The following COL4A3 variants were observed in gnomAD, a reference collection of about 807,000 sequenced individuals.
The protein encoded by COL4A3 is collagen type IV alpha 3 chain.
A neutral mutation model predicts 217.4 loss-of-function variants in COL4A3; 135 were observed. The observed-to-expected ratio is 0.62, with a 90% CI of 0.54 to 0.72. The LOEUF is 0.72. Ranked by LOEUF, COL4A3 falls within the 30% of genes least tolerant of loss-of-function variation. The probability of loss-of-function intolerance (pLI) is 0.00; values close to 1 mark genes in which losing one functional copy is unlikely to be tolerated. For synonymous variants in COL4A3, 690 were observed against 736.3 expected (o/e 0.94, Z 1.02); for missense variants, 1,868 against 2,119.9 (o/e 0.88, Z 2.33).
chr2:227,296,656 C>A, intron 41 of COL4A3: 1 of 258,532 alleles, frequency 3.9e-6, no homozygotes, highest in Non-Finnish European at 6.0e-6. Flanking sequence ...CATTGCCATG[C>A]AAATACAGTA....
chr2:227,217,433 G>T (rs1374231814), intron 1 of COL4A3, among the ~76,000 whole-genome samples: 1 of 152,208 alleles, frequency 6.6e-6, no homozygotes, highest in East Asian at 1.9e-4. Flanking sequence ...CCAAGCAGCA[G>T]TATGTGCTTG....
chr2:227,252,942 A>C (rs1244695740), intron 11 of COL4A3, among the ~76,000 whole-genome samples: 2 of 152,182 alleles, frequency 1.3e-5, no homozygotes, highest in African/African-American at 2.4e-5. Context: ...TCTTATTTTT[A>C]AAACAAGAAA....
At position 227,240,335 on chromosome 2, in the gene COL4A3, A is replaced by G. The variant is rs185311708; in HGVS notation, c.234+103A>G. Reference sequence around the variant, plus strand: ...TGGAGAGAATTCCACATCTTAGCCAACTGCTAGGTGCATGGTGAACTCCTG... The same window carrying G: ...TGGAGAGAATTCCACATCTTAGCCAGCTGCTAGGTGCATGGTGAACTCCTG... On this transcript the variant is annotated intron_variant, in intron 3 of 51. Transcript: ENST00000396578. 95 of 1,092,982 alleles carry G rather than the reference A, an allele frequency of 8.7e-5. 1 individual carries two copies. The African/African-American group carries it at 1.2e-3, about 14-fold the overall frequency. 67.7% of individuals were successfully genotyped at this position (1,092,982 alleles called of 1,614,324 possible).
At chr2:227,222,954 CA>C (rs2067893406) in intron 1 of COL4A3, among the ~76,000 whole-genome samples, 1 of 152,220 alleles carries the variant, frequency 6.6e-6, no homozygotes, top group Non-Finnish European at 1.5e-5. Context: ...TTTAATCAAC[CA>C]AGTGACATCA....
In COL4A3 at chr2:227,313,675, C is replaced by T. The variant is rs1407717038; in HGVS notation, c.*1805C>T. ...ACATCCTTCACTGCTCACGTGTTTG[C>T]TGTCAAGCCATTTTTACATCTAAAC... On this transcript the variant is annotated 3_prime_UTR_variant, in exon 52 of 52. Transcript: ENST00000396578. 3 of 152,636 alleles carry T rather than the reference C, an allele frequency of 2.0e-5. No homozygotes were observed. The highest frequency in any genetic ancestry group is 4.4e-5 in the Non-Finnish European group (3 of 68,034). The allele number at this position is 152,636 out of a possible 1,614,324, so 9.5% of individuals were successfully genotyped here.
At chr2:227,275,316 G>C (rs2071491332) in intron 26 of COL4A3, among the ~76,000 whole-genome samples, 1 of 152,100 alleles carries the variant, frequency 6.6e-6, no homozygotes, top group Non-Finnish European at 1.5e-5. Flanking sequence ...GAGTAGCTGG[G>C]ATTACAGGCG....
rs552713623 is a variant in COL4A3, at chr2:227,220,233, A to C, written c.88-17735A>C. 7.5e-5 allele frequency among the ~76,000 whole-genome samples: 9 copies of C among 119,502 alleles called. No individual in the cohort carries two copies. In the South Asian group the frequency reaches 2.6e-3, roughly 34 times the overall value. The allele number at this position is 119,502 out of a possible 152,430, so 78.4% of individuals were successfully genotyped here. On this transcript the variant is annotated intron_variant, in intron 1 of 51. Coordinates refer to ENST00000396578, the MANE Select transcript of COL4A3 (RefSeq NM_000091.5). ...AGAGTCTCACTGTCACCCAGGCTGGAGTGCAGTGGTGCAATCTCAGCTCAC... is the reference window on the plus strand; with the variant it reads ...AGAGTCTCACTGTCACCCAGGCTGGCGTGCAGTGGTGCAATCTCAGCTCAC...
At chr2:227,296,108 A>C (rs1450303417) in intron 41 of COL4A3, among the ~76,000 whole-genome samples, 2 of 152,258 alleles carry the variant, frequency 1.3e-5, no homozygotes, top group Admixed American at 6.5e-5. Context: ...TGAGAAACTC[A>C]GTTGGGCAGG....
chr2:227,269,764 T>G, intron 23 of COL4A3, 146 bp from the exon 24 acceptor site: 1 of 681,020 alleles, frequency 1.5e-6, no homozygotes, highest in Non-Finnish European at 2.7e-6. Flanking sequence ...TTTACTCCCA[T>G]TCTCTTATTG....
intron 1 of COL4A3, among the ~76,000 whole-genome samples, chr2:227,233,671 C>A (rs575866193): frequency 5.9e-5 from 9 of 152,164 alleles, no homozygotes; most frequent in Admixed American, 2.6e-4. Context: ...AACTAAGGGA[C>A]AATATCAAAA....
intron 24 of COL4A3, 101 bp from the exon 25 acceptor site, chr2:227,270,669 T>TCC: frequency 2.5e-6 from 3 of 1,185,210 alleles, no homozygotes; most frequent in Non-Finnish European, 3.7e-6. Flanking sequence ...TTGAAAAAAT[T>TCC]CATGTTAAAA....
intron 1 of COL4A3, among the ~76,000 whole-genome samples, chr2:227,208,170 G>A (rs1473685582): frequency 2.0e-5 from 3 of 152,180 alleles, no homozygotes; most frequent in African/African-American, 7.2e-5. Flanking sequence ...CTTTGGGAAG[G>A]AATTCAGTTC....
chr2:227,181,495 A>G (rs2065866883), intron 1 of COL4A3, among the ~76,000 whole-genome samples: 1 of 152,202 alleles, frequency 6.6e-6, no homozygotes, highest in African/African-American at 2.4e-5. Flanking sequence ...CTAACTATAC[A>G]TGTAATGCAT....
At chr2:227,200,830 A>G (rs974976916) in intron 1 of COL4A3, among the ~76,000 whole-genome samples, 2 of 152,244 alleles carry the variant, frequency 1.3e-5, no homozygotes, top group African/African-American at 4.8e-5. Flanking sequence ...TACAATTACA[A>G]TTGAACAATT....
chr2:227,220,188 T>C (rs1381001190), intron 1 of COL4A3, among the ~76,000 whole-genome samples: 1 of 49,360 alleles, frequency 2.0e-5, no homozygotes, highest in East Asian at 4.5e-4. Flanking sequence ...GCCTTTTTTT[T>C]TTTTTTTTTT....
chr2:227,197,162 C>T (rs537699805), intron 1 of COL4A3, among the ~76,000 whole-genome samples: 4 of 152,296 alleles, frequency 2.6e-5, no homozygotes, highest in African/African-American at 9.6e-5. Flanking sequence ...AATTAAACCT[C>T]TTTTTCTTTA....
intron 1 of COL4A3, among the ~76,000 whole-genome samples, chr2:227,210,654 T>G (rs2067282308): frequency 2.0e-5 from 3 of 152,228 alleles, no homozygotes; most frequent in Admixed American, 6.5e-5. Flanking sequence ...CATGCAAGCA[T>G]GCACGCAGGT....
chr2:227,170,255 A>C (rs1483769704), intron 1 of COL4A3, among the ~76,000 whole-genome samples: 1 of 152,080 alleles, frequency 6.6e-6, no homozygotes, highest in Non-Finnish European at 1.5e-5. Context: ...AACTAGTCAC[A>C]TTGTCAGTGA....
chr2:227,195,368 T>C (rs2066425593), intron 1 of COL4A3, among the ~76,000 whole-genome samples: 1 of 151,984 alleles, frequency 6.6e-6, no homozygotes, highest in African/African-American at 2.4e-5. Context: ...AACAATGATG[T>C]TTCAAACAAA....
Sources: allele counts gnomAD v4.1 joint callset (sites outside exome capture counted in the v4.1 genomes callset), GRCh38; gene constraint gnomAD v4.1.1; transcripts MANE v1.5; gene names NCBI Gene and HGNC (gene_info 2026-07-23, HGNC 2026-07-21).